GMFG: variants seen among roughly 807,000 people sequenced by gnomAD.
GMFG encodes glia maturation factor gamma.
A neutral mutation model predicts 26.1 loss-of-function variants in GMFG; 21 were observed. The observed-to-expected ratio is 0.80, with a 90% confidence interval of 0.57 to 1.16. The LOEUF (loss-of-function observed/expected upper bound fraction) is 1.16, where lower values mean the gene tolerates loss of function less well. GMFG is among the 50% of genes most tolerant of loss of function. The pLI is 0.00. For missense variants in GMFG, 161 were observed against 178.3 expected, an observed-to-expected ratio of 0.90 and a Z score of 0.55; for synonymous variants, 65 against 60.8, an observed-to-expected ratio of 1.07 and a Z score of -0.32.
At chr19:39,329,965 G>C (rs779263640) in intron 4 of GMFG, among the ~76,000 whole-genome samples, 2 of 151,958 alleles carry the variant, frequency 1.3e-5, no homozygotes, top group Non-Finnish European at 1.5e-5. Flanking sequence ...TGTAATCCCA[G>C]CTAGTCAGGA....
intron 4 of GMFG, 145 bp from the exon 5 acceptor site, chr19:39,329,771 C>G (rs943093433): frequency 7.6e-6 from 5 of 654,138 alleles, no homozygotes; most frequent in South Asian, 6.9e-5. Flanking sequence ...ACCTCAAACA[C>G]AACAAATGAT....
chr19:39,328,780 A>G, intron 6 of GMFG: 1 of 611,820 alleles, frequency 1.6e-6, no homozygotes, highest in Non-Finnish European at 2.9e-6. Flanking sequence ...TGGGAGGCTG[A>G]GGCAGGAGAA....
chr19:39,328,887 C>CA lies in GMFG; in HGVS notation c.357+112dup, dbSNP rs71169585. 1.1e-5 allele frequency: 9 copies of CA among 823,754 alleles called. No homozygotes were observed. The African/African-American group carries it at 1.2e-4, about 11-fold the overall frequency. 51.0% of individuals were successfully genotyped at this position (823,754 alleles called of 1,614,324 possible). A position where few individuals can be genotyped will look rare whatever the true frequency, so the allele number is the denominator to read the frequency against. ...AGCGAGACCCAGTTCTTTAAAAAAA[C>CA]AAAAACAAAAACAAAAACCACTGAG... On this transcript the variant is annotated intron_variant, in intron 6 of 6. Transcript: ENST00000597595.
chr19:39,335,374 C>T (rs1001796225), intron 2 of GMFG, 61 bp downstream of exon 2: 69 of 1,586,680 alleles, frequency 4.3e-5, no homozygotes, highest in African/African-American at 1.3e-5. Flanking sequence ...ACAAGCCCAG[C>T]CCTCCCTATC....
chr19:39,333,080 G>C lies in GMFG; in HGVS notation c.197C>G (p.Pro66Arg). The stretch of plus-strand genomic sequence containing the variant: ...ACCCTTTCTTCCCCCAGGATACCTG[G>C]GCTGTCTCTCCGGCAACTCCATTTT... Reference protein sequence around the residue: ...ELKMELPERQPRFVVYSYKYV... With the variant: ...ELKMELPERQRRFVVYSYKYV... Residue 66 changes from proline to arginine, a missense_variant, in exon 4 of 7, where the codon CCC becomes CGC. Physicochemically the swap from Pro to Arg is moderately radical, Grantham distance 103 (BLOSUM62 -2). Transcript: ENST00000597595. 2 of 1,599,392 alleles carry C rather than the reference G, an allele frequency of 1.3e-6. No homozygotes were observed. The highest frequency in any genetic ancestry group is 1.7e-6 in the Non-Finnish European group (2 of 1,169,024).
chr19:39,333,467 G>A (rs553997294), intron 3 of GMFG, among the ~76,000 whole-genome samples: 23 of 151,166 alleles, frequency 1.5e-4, no homozygotes, highest in Admixed American at 1.5e-3. Flanking sequence ...TTAGCCAGGC[G>A]TGTTCAGGAG....
chr19:39,331,197 A>AGC, intron 4 of GMFG, among the ~76,000 whole-genome samples: 1 of 152,326 alleles, frequency 6.6e-6, no homozygotes, highest in East Asian at 1.9e-4. Context: ...CAAGGACAGC[A>AGC]GCGGTCACTG....
intron 6 of GMFG, chr19:39,328,752 G>C (rs41274342): frequency 3.8e-4 from 229 of 608,432 alleles, no homozygotes; most frequent in Non-Finnish European, 5.8e-4. Context: ...GGTGGCGTGT[G>C]CCTGTCGTCC....
At chr19:39,329,487 A>AACACAC in intron 5 of GMFG, 57 bp downstream of exon 5, 1 of 997,182 alleles carries the variant, frequency 1.0e-6, no homozygotes, top group Non-Finnish European at 1.6e-6. Context: ...TTTACACACA[A>AACACAC]ACACACACAC....
intron 2 of GMFG, 24 bp from the exon 3 acceptor site, chr19:39,335,334 A>G: frequency 6.3e-7 from 1 of 1,595,234 alleles, no homozygotes; most frequent in Non-Finnish European, 8.6e-7. Flanking sequence ...GCACACAGGG[A>G]TTAGACACTC....
intron 5 of GMFG, 38 bp downstream of exon 5, chr19:39,329,506 G>A (rs746808384): frequency 1.0e-5 from 12 of 1,205,646 alleles, no homozygotes; most frequent in Middle Eastern, 1.9e-4. Context: ...ACACAGAATC[G>A]AAGACCCTCT....
rs1448205585 is a variant in GMFG, at chr19:39,336,022, T to G, written c.-46A>C. 1.3e-6 allele frequency: 2 copies of G among 1,576,694 alleles called. No homozygotes were observed. Among genetic ancestry groups the G allele is most frequent in the Non-Finnish European group, 1.7e-6 (2 of 1,146,274 alleles). On this transcript the variant is annotated 5_prime_UTR_variant, in exon 1 of 7. Transcript: ENST00000597595. ...TCTTCTTTTCTTAGTTCCGCTGTCT[T>G]CTAGGCGTGGGGACCGGGGCTGTAG...
chr19:39,333,002 C>CA (rs1221985920), intron 4 of GMFG, 75 bp downstream of exon 4: 2 of 974,110 alleles, frequency 2.1e-6, no homozygotes, highest in Middle Eastern at 4.3e-4. Context: ...GGAACTCCAG[C>CA]AGTCCCTTAG....
Position 39,336,031 on chromosome 19 carries a change from G to A in GMFG, c.-55C>T. On this transcript the variant is annotated 5_prime_UTR_variant, in exon 1 of 7. Coordinates refer to ENST00000597595, the MANE Select transcript of GMFG (RefSeq NM_004877.4). The stretch of plus-strand genomic sequence containing the variant: ...CTTAGTTCCGCTGTCTTCTAGGCGT[G>A]GGGACCGGGGCTGTAGGGGGGCGGG... 7.3e-6 allele frequency: 11 copies of A among 1,508,792 alleles called. No homozygotes were observed. Among genetic ancestry groups the A allele is most frequent in the East Asian group, 2.3e-5 (1 of 44,414 alleles). 93.5% of individuals were successfully genotyped at this position (1,508,792 alleles called of 1,614,324 possible).
chr19:39,335,576 C>G lies in GMFG; in HGVS notation c.4-45G>C, dbSNP rs577625542. The G allele has an allele frequency of 2.3e-6, 3 of 1,283,446 alleles. No individual in the cohort carries two copies. The African/African-American group carries it at 4.4e-5, about 19-fold the overall frequency. 79.5% of individuals were successfully genotyped at this position (1,283,446 alleles called of 1,614,324 possible). ...AGAGCTGAAATGGCCTGGCCTCAGCCCTCACCCCTTCCCCAAACCTGTTTC... is the reference window on the plus strand; with the variant it reads ...AGAGCTGAAATGGCCTGGCCTCAGCGCTCACCCCTTCCCCAAACCTGTTTC... On this transcript the variant is annotated intron_variant, in intron 1 of 6. Transcript: ENST00000597595.
chr19:39,328,887 CA>C (rs71169585), intron 6 of GMFG, 112 bp downstream of exon 6: 1 of 823,420 alleles, frequency 1.2e-6, no homozygotes, highest in Non-Finnish European at 2.1e-6. Flanking sequence ...TTTAAAAAAA[CA>C]AAAACAAAAA....
At chr19:39,334,609 A>G (rs1171917803) in intron 3 of GMFG, among the ~76,000 whole-genome samples, 1 of 152,074 alleles carries the variant, frequency 6.6e-6, no homozygotes, top group Non-Finnish European at 1.5e-5. Flanking sequence ...TTAAATGCCA[A>G]TAAAGCATTA....
chr19:39,333,595 A>T (rs1367735710), intron 3 of GMFG, among the ~76,000 whole-genome samples: 5 of 152,000 alleles, frequency 3.3e-5, no homozygotes, highest in Non-Finnish European at 7.4e-5. Flanking sequence ...AAAAAAAAAA[A>T]AAAAAAGAAT....
chr19:39,329,096 G>A, intron 5 of GMFG, 23 bp from the exon 6 acceptor site: 1 of 1,552,672 alleles, frequency 6.4e-7, no homozygotes, highest in Admixed American at 1.7e-5. Flanking sequence ...GAGGAGAAAG[G>A]CACATCAGTG....
Sources: gnomAD v4.1 joint callset for allele counts (sites outside exome capture counted in the v4.1 genomes callset) on GRCh38, gnomAD v4.1.1 for gene constraint, MANE v1.5 for transcripts, NCBI Gene and HGNC (gene_info 2026-07-23, HGNC 2026-07-21) for gene names.